The following ADAM10 variants were observed in gnomAD, a reference collection of about 807,000 sequenced individuals.
ADAM10 encodes the protein disintegrin and metalloproteinase domain-containing protein 10.
A neutral mutation model predicts 90.1 loss-of-function variants in ADAM10; 17 were observed. That is an observed-to-expected ratio of 0.19 (90% CI 0.13 to 0.28). The LOEUF (loss-of-function observed/expected upper bound fraction) is 0.28, where lower values mean the gene tolerates loss of function less well. Among genes scored for constraint, ADAM10 ranks in the 10% least tolerant of loss-of-function variants. The probability of loss-of-function intolerance (pLI) is 1.00; values close to 1 mark genes in which losing one functional copy is unlikely to be tolerated. For missense variants in ADAM10, 610 were observed against 914.3 expected, an observed-to-expected ratio of 0.67 and a Z score of 4.29; for synonymous variants, 310 against 298.6, an observed-to-expected ratio of 1.04 and a Z score of -0.40.
intron 9 of ADAM10, among the ~76,000 whole-genome samples, chr15:58,630,487 A>C (rs1332567344): frequency 6.6e-6 from 1 of 152,220 alleles, no homozygotes; most frequent in Non-Finnish European, 1.5e-5. Flanking sequence ...AGTAGAAGTG[A>C]GTTAGTAAGC....
Position 58,611,079 on chromosome 15 carries a change from T to C in ADAM10, c.1724A>G (p.Tyr575Cys). The change falls in exon 13 of 16, where the codon TAT (tyrosine) becomes TGT (cysteine). Residue 575 changes from tyrosine to cysteine, a missense_variant. By Grantham distance (194) the Tyr-to-Cys change is radical (BLOSUM62 -2). Transcript: ENST00000260408. ...GQCAGSICEK[Y>C]GLEECTCASS... Reference sequence around the variant, plus strand: ...GGCACACGTACACTCCTCTAAGCCATATTTCTCACAGATAGAACCTGCACA... The same window carrying C: ...GGCACACGTACACTCCTCTAAGCCACATTTCTCACAGATAGAACCTGCACA... 6.2e-7 allele frequency: 1 copy of C among 1,613,872 alleles called. No homozygotes were observed. The highest frequency in any genetic ancestry group is 8.5e-7 in the Non-Finnish European group (1 of 1,179,804).
At chr15:58,643,218 A>T (rs1263434666) in intron 7 of ADAM10, among the ~76,000 whole-genome samples, 1 of 152,142 alleles carries the variant, frequency 6.6e-6, no homozygotes, top group Non-Finnish European at 1.5e-5. Context: ...AATTTATAAC[A>T]TTAGAACTCA....
At chr15:58,607,675 T>C (rs137946992) in intron 14 of ADAM10, among the ~76,000 whole-genome samples, 231 of 152,196 alleles carry the variant, frequency 1.5e-3, no homozygotes, top group Non-Finnish European at 2.6e-3. Context: ...TGACTCTTGA[T>C]AAATTAGCAA....
chr15:58,677,921 A>T lies in ADAM10; in HGVS notation c.484+1203T>A, dbSNP rs546704117. ...ATAGGGGAGGTAACCCTGCAAAAAA[A>T]GGTTAAATTACTAAGAAAGCTACAA... On this transcript the variant is annotated intron_variant, in intron 4 of 15. Transcript: ENST00000260408. Among the ~76,000 whole-genome samples the T allele has an allele frequency of 8.5e-5, 13 of 152,282 alleles. No homozygotes were observed. In the South Asian group the frequency reaches 2.3e-3, roughly 27 times the overall value.
intron 10 of ADAM10, among the ~76,000 whole-genome samples, chr15:58,623,135 A>C (rs1895836542): frequency 6.6e-6 from 1 of 152,216 alleles, no homozygotes; most frequent in South Asian, 2.1e-4. Flanking sequence ...CTAAATCAAA[A>C]ATGTTCTAGA....
chr15:58,714,598 G>C (rs1218088725), intron 2 of ADAM10, among the ~76,000 whole-genome samples: 1 of 151,954 alleles, frequency 6.6e-6, no homozygotes, highest in Non-Finnish European at 1.5e-5. Context: ...TGGGCTACAA[G>C]ATAGTACACA....
intron 4 of ADAM10, among the ~76,000 whole-genome samples, chr15:58,673,864 A>T (rs1897254646): frequency 6.6e-6 from 1 of 151,820 alleles, no homozygotes; most frequent in Admixed American, 6.6e-5. Context: ...CCTCTCGAGT[A>T]GCTGGGACTA....
At chr15:58,716,983 G>T (rs1015006708) in intron 2 of ADAM10, among the ~76,000 whole-genome samples, 1 of 151,862 alleles carries the variant, frequency 6.6e-6, no homozygotes, top group East Asian at 1.9e-4. Flanking sequence ...TAGTTTCCTC[G>T]GATATAAAAA....
chr15:58,735,621 G>A (rs956386531), intron 1 of ADAM10, among the ~76,000 whole-genome samples: 1 of 152,028 alleles, frequency 6.6e-6, no homozygotes, highest in Non-Finnish European at 1.5e-5. Flanking sequence ...GTTGTGTAGG[G>A]AATAATAACA....
At chr15:58,668,315 A>G (rs1206135409) in intron 4 of ADAM10, among the ~76,000 whole-genome samples, 9 of 152,202 alleles carry the variant, frequency 5.9e-5, no homozygotes, top group African/African-American at 2.2e-4. Context: ...CTTACAACTG[A>G]CACTTGGAAT....
chr15:58,622,553 A>AT (rs1218912274), intron 10 of ADAM10, among the ~76,000 whole-genome samples: 8 of 151,928 alleles, frequency 5.3e-5, no homozygotes, highest in African/African-American at 1.7e-4. Context: ...TCAGTAGGTA[A>AT]TTTTTTTTAT....
Position 58,590,878 on chromosome 15 carries a change from C to T in ADAM10, c.*6669G>A, listed in dbSNP as rs1894810439. The T allele has an allele frequency of 6.6e-6, 1 of 152,108 alleles. No individual in the cohort carries two copies. Among genetic ancestry groups the T allele is most frequent in the Admixed American group, 6.5e-5 (1 of 15,272 alleles). 9.4% of individuals were successfully genotyped at this position (152,108 alleles called of 1,614,324 possible). On this transcript the variant is annotated 3_prime_UTR_variant, in exon 16 of 16. Transcript: ENST00000260408. ...GGAACCACTTTTTATATAAGACAAC[C>T]TACACTCTTATCAAATTATTCTCAT... is the stretch of plus-strand genomic sequence containing the variant.
In ADAM10 at chr15:58,712,041, G is replaced by A. The variant is rs565364117; in HGVS notation, c.206+5536C>T. ...GAATCATACTAAAAGCTATAAAAGC[G>A]ATCAATCTTGCAATGAAGTTTTTCT... On this transcript the variant is annotated intron_variant, in intron 2 of 15. Transcript: ENST00000260408. 9.9e-5 allele frequency among the ~76,000 whole-genome samples: 15 copies of A among 152,060 alleles called. No homozygotes were observed. The South Asian group carries it at 2.7e-3, about 27-fold the overall frequency.
intron 1 of ADAM10, among the ~76,000 whole-genome samples, chr15:58,741,446 G>C (rs779118592): frequency 3.3e-5 from 5 of 152,134 alleles, no homozygotes; most frequent in African/African-American, 4.8e-5. Flanking sequence ...AGAGATTAAA[G>C]ATCTATGCAA....
At chr15:58,693,668 C>T (rs12911961) in intron 2 of ADAM10, among the ~76,000 whole-genome samples, 68,172 of 151,026 alleles carry the variant, frequency 0.45, 18,107 homozygotes, top group East Asian at 0.83. Flanking sequence ...GTCAATGCTA[C>T]CTTAAGAAAC....
chr15:58,644,070 T>A (rs1896485650), intron 6 of ADAM10, 92 bp from the exon 7 acceptor site: 1 of 908,038 alleles, frequency 1.1e-6, no homozygotes, highest in Non-Finnish European at 1.8e-6. Flanking sequence ...ATTATTCATG[T>A]CCTGCCACAT....
chr15:58,669,067 T>C (rs1224242700), intron 4 of ADAM10, among the ~76,000 whole-genome samples: 3 of 152,222 alleles, frequency 2.0e-5, no homozygotes, highest in African/African-American at 7.2e-5. Context: ...GTCAATGTTA[T>C]TTTTAACTGC....
intron 3 of ADAM10, among the ~76,000 whole-genome samples, chr15:58,681,664 G>A (rs1897445799): frequency 6.6e-6 from 1 of 151,970 alleles, no homozygotes; most frequent in Admixed American, 6.6e-5. Flanking sequence ...CTTTCTATTG[G>A]GTTAAGTGTG....
chr15:58,604,890 C>T (rs1331850758), intron 14 of ADAM10, among the ~76,000 whole-genome samples: 1 of 152,152 alleles, frequency 6.6e-6, no homozygotes, highest in African/African-American at 2.4e-5. Context: ...TACATGCCGC[C>T]ACACCCTGCG....
Sources: allele counts gnomAD v4.1 joint callset (sites outside exome capture counted in the v4.1 genomes callset), GRCh38; gene constraint gnomAD v4.1.1; transcripts MANE v1.5; gene names NCBI Gene and HGNC (gene_info 2026-07-23, HGNC 2026-07-21).